Variants in TARDBP observed in about 807,000 individuals in gnomAD.
The protein encoded by TARDBP is TAR DNA binding protein, also known as TAR DNA-binding protein 43.
In TARDBP, 4 loss-of-function variants were observed where a neutral mutation model predicts 38.3. That is an observed-to-expected ratio of 0.10 (90% CI 0.05 to 0.24). TARDBP has a LOEUF of 0.24. Among genes scored for constraint, TARDBP ranks in the 10% least tolerant of loss-of-function variants. The pLI is 1.00. For synonymous variants in TARDBP, 184 were observed against 183.8 expected, an observed-to-expected ratio of 1.00 and a Z score of -0.01; for missense variants, 202 against 521.9, an observed-to-expected ratio of 0.39 and a Z score of 5.97.
chr1:11,017,597 T>C (rs1643553865), intron 3 of TARDBP, among the ~76,000 whole-genome samples: 1 of 152,222 alleles, frequency 6.6e-6, no homozygotes, highest in African/African-American at 2.4e-5. Flanking sequence ...CCCTATGTTA[T>C]TGCCTTTGAT....
downstream of TARDBP, chr1:11,026,634 A>AGT (rs1275559798): frequency 2.9e-6 from 1 of 339,538 alleles, no homozygotes; most frequent in Non-Finnish European, 5.3e-6. Context: ...TAATTTGAGC[A>AGT]GTGACATTAC....
At chr1:11,027,672 GA>G (rs768375199), downstream of TARDBP, 39 of 1,552,734 alleles carry the variant, frequency 2.5e-5, no homozygotes, top group African/African-American at 4.6e-4. Flanking sequence ...CAGATAGGTA[GA>G]GAGCCTTTGT....
At chr1:11,030,042 G>C, downstream of TARDBP, 1 of 621,892 alleles carries the variant, frequency 1.6e-6, no homozygotes. Flanking sequence ...CATACTATTT[G>C]GAAATAATAA....
At chr1:11,026,883 A>G (rs953862568), downstream of TARDBP, 8 of 1,476,296 alleles carry the variant, frequency 5.4e-6, no homozygotes, top group Middle Eastern at 1.8e-4. Context: ...CAGACACGCA[A>G]GTTAAAAATC....
intron 3 of TARDBP, 65 bp downstream of exon 3, chr1:11,017,072 TG>T: frequency 9.1e-6 from 14 of 1,537,178 alleles, no homozygotes; most frequent in Non-Finnish European, 1.2e-5. Context: ...ATTTATTTAT[TG>T]GTATAAATAG....
intron 3 of TARDBP, 122 bp from the exon 4 acceptor site, chr1:11,018,611 T>G: frequency 7.2e-7 from 1 of 1,392,546 alleles, no homozygotes. Flanking sequence ...CTAACTTGGT[T>G]TAAGTTTTAA....
intron 4 of TARDBP, among the ~76,000 whole-genome samples, chr1:11,019,901 A>G (rs1967713): frequency 0.83 from 120,295 of 144,362 alleles, 49,691 homozygotes; most frequent in East Asian, 0.87. Context: ...TTTCACTCTT[A>G]TTGCTCAGGC....
At position 11,023,029 on chromosome 1, in the gene TARDBP, C is replaced by T. The variant is rs1420417320; in HGVS notation, c.*375C>T. 15 of 1,428,512 alleles carry T rather than the reference C, an allele frequency of 1.1e-5. No individual in the cohort carries two copies. Among genetic ancestry groups the T allele is most frequent in the Non-Finnish European group, 1.3e-5 (14 of 1,088,382 alleles). 88.5% of individuals were successfully genotyped at this position (1,428,512 alleles called of 1,614,324 possible). ...ATTGATTAGAACTACATTCTTTACC[C>T]CTTGTTTTAATTTGAACCCCACCAT... On this transcript the variant is annotated 3_prime_UTR_variant, in exon 6 of 6. Transcript: ENST00000240185.
At chr1:11,015,315 G>A (rs1570714266) in intron 2 of TARDBP, among the ~76,000 whole-genome samples, 2 of 151,338 alleles carry the variant, frequency 1.3e-5, no homozygotes, top group Admixed American at 6.6e-5. Context: ...GTGAAACCCT[G>A]TCTCTACTAA....
chr1:11,016,674 C>T (rs1002435287), intron 2 of TARDBP, among the ~76,000 whole-genome samples, 170 bp from the exon 3 acceptor site: 1 of 152,220 alleles, frequency 6.6e-6, no homozygotes, highest in Non-Finnish European at 1.5e-5. Context: ...AGACACTAAA[C>T]TTAAGCCTTT....
downstream of TARDBP, chr1:11,025,874 G>T (rs1299109445): frequency 5.2e-5 from 8 of 154,184 alleles, no homozygotes; most frequent in Middle Eastern, 5.2e-4. Flanking sequence ...GAATGATTTT[G>T]TTGTTGTTGA....
downstream of TARDBP, chr1:11,030,035 A>G: frequency 3.3e-6 from 2 of 609,282 alleles, no homozygotes; most frequent in South Asian, 2.0e-5. Flanking sequence ...ATGAGAACAT[A>G]CTATTTGGAA....
chr1:11,027,272 A>G (rs1310619935), downstream of TARDBP: 1 of 1,614,062 alleles, frequency 6.2e-7, no homozygotes, highest in Admixed American at 1.7e-5. Flanking sequence ...TAAAGGATTC[A>G]GCTTCTTTTC....
chr1:11,020,819 CAG>C (rs1643622519), intron 5 of TARDBP, among the ~76,000 whole-genome samples: 1 of 151,658 alleles, frequency 6.6e-6, no homozygotes, highest in Admixed American at 6.6e-5. Context: ...GAGCCTGAGG[CAG>C]GGGAATCGCT....
At chr1:11,026,563 A>G (rs989873288), downstream of TARDBP, 2 of 201,844 alleles carry the variant, frequency 9.9e-6, no homozygotes, top group East Asian at 1.1e-4. Flanking sequence ...ATGGACAGGC[A>G]GTTTACAGAA....
chr1:11,014,756 T>C (rs1032260672), intron 2 of TARDBP, among the ~76,000 whole-genome samples: 8 of 151,940 alleles, frequency 5.3e-5, no homozygotes, highest in African/African-American at 1.9e-4. Context: ...CTGGCCAACA[T>C]GATGAAACCC....
At chr1:11,026,759 G>C (rs1023021942), downstream of TARDBP, 1 of 755,468 alleles carries the variant, frequency 1.3e-6, no homozygotes, top group African/African-American at 1.8e-5. Flanking sequence ...CCTGGAGTCT[G>C]TTTTTTTGGG....
rs80356715 is a variant in TARDBP, at chr1:11,016,874, C to G, written c.269C>G (p.Ala90Gly). 2 of 1,614,050 alleles carry G rather than the reference C, an allele frequency of 1.2e-6. No individual in the cohort carries two copies. Among genetic ancestry groups the G allele is most frequent in the African/African-American group, 2.7e-5 (2 of 74,930 alleles). Residue 90 changes from alanine to glycine, a missense_variant, in exon 3 of 6, where the codon GCT (alanine) becomes GGT (glycine). Physicochemically the swap from Ala to Gly is moderately conservative, Grantham distance 60. Around this residue, in one of 5 missense-constraint regions of TARDBP, gnomAD observed 71 missense variants for 185.4 expected, o/e 0.38. Transcript: ENST00000240185. ...AAAAGAAAAATGGATGAGACAGATG[C>G]TTCATCAGCAGTGAAAGTGAAAAGA... The part of the protein sequence containing the change: ...DNKRKMDETD[A>G]SSAVKVKRAV...
chr1:11,021,082 T>C, intron 5 of TARDBP, among the ~76,000 whole-genome samples: 1 of 152,152 alleles, frequency 6.6e-6, no homozygotes, highest in Non-Finnish European at 1.5e-5. Context: ...TTAAGAAATC[T>C]AAAAGTAAAT....
Sources: allele counts gnomAD v4.1 joint callset (sites outside exome capture counted in the v4.1 genomes callset), GRCh38; gene constraint gnomAD v4.1.1; regional missense constraint gnomAD v4.1.1; transcripts MANE v1.5; gene names NCBI Gene and HGNC (gene_info 2026-07-23, HGNC 2026-07-21).